NPEPL1: variants seen among roughly 807,000 people sequenced by gnomAD.
The protein encoded by NPEPL1 is aminopeptidase like 1, also known as probable aminopeptidase NPEPL1.
Under a neutral mutation model 52.4 loss-of-function variants are expected in NPEPL1, and 45 were observed. The observed-to-expected ratio is 0.86, with a 90% CI of 0.68 to 1.10. NPEPL1 has a LOEUF of 1.10. Ranked by LOEUF, NPEPL1 falls within the 50% of genes least tolerant of loss-of-function variation. The pLI is 0.00. For missense variants in NPEPL1, 696 were observed against 710.9 expected, an observed-to-expected ratio of 0.98 and a Z score of 0.24; for synonymous variants, 360 against 314.7, an observed-to-expected ratio of 1.14 and a Z score of -1.52.
intron 1 of NPEPL1, 114 bp downstream of exon 1, chr20:58,693,164 C>G (rs1489957949): frequency 1.3e-6 from 1 of 746,814 alleles, no homozygotes; most frequent in African/African-American, 1.9e-5. Context: ...CCGGGCCCAA[C>G]GAGGCCGGGC....
upstream of NPEPL1, chr20:58,691,693 C>CTTTTTTTTTTTTTTTTTTCTTTTT: frequency 1.8e-6 from 1 of 561,308 alleles, no homozygotes; most frequent in South Asian, 2.2e-5. Context: ...TTTTTCTTTT[C>CTTTTTTTTTTTTTTTTTTCTTTTT]TTTTTTTTTT....
At chr20:58,694,689 G>A in intron 3 of NPEPL1, 97 bp downstream of exon 3, 1 of 1,308,202 alleles carries the variant, frequency 7.6e-7, no homozygotes, top group Non-Finnish European at 1.0e-6. Flanking sequence ...TGCGGGGGCA[G>A]GAGGGGGTTC....
At position 58,702,871 on chromosome 20, in the gene NPEPL1, A is replaced by G. The variant is rs181649477; in HGVS notation, c.822+1713A>G. Among the ~76,000 whole-genome samples, 79 of 152,346 alleles carry G rather than the reference A, an allele frequency of 5.2e-4. 1 individual carries two copies. The highest frequency in any genetic ancestry group is 1.6e-3 in the African/African-American group (66 of 41,564). On this transcript the variant is annotated intron_variant, in intron 6 of 11. Transcript: ENST00000356091. ...CATTTCACAGTAAATTCCAGCAATCACAACACCCACTGTGTGTTCAGTTCT... is the reference window on the plus strand; with the variant it reads ...CATTTCACAGTAAATTCCAGCAATCGCAACACCCACTGTGTGTTCAGTTCT...
chr20:58,701,879 C>A (rs2084631917), intron 6 of NPEPL1, among the ~76,000 whole-genome samples: 1 of 152,174 alleles, frequency 6.6e-6, no homozygotes, highest in African/African-American at 2.4e-5. Flanking sequence ...TTCTGTCCTG[C>A]CATCCCAGGA....
rs1363829965 is a variant in NPEPL1, at chr20:58,713,597, A to T, written c.1125+54A>T. ...CTGTAGTCCCAGGGAACCCCACCCC[A>T]CTCTTGACCTCAAGGTGGGGAAGGC... is the stretch of plus-strand genomic sequence containing the variant. On this transcript the variant is annotated intron_variant, in intron 9 of 11. Transcript: ENST00000356091. The surrounding 1 kb of genome is among the most constrained non-coding windows in gnomAD (Gnocchi z 4.6). The T allele has an allele frequency of 2.9e-5, 43 of 1,508,160 alleles. No individual in the cohort carries two copies. Among genetic ancestry groups the T allele is most frequent in the Non-Finnish European group, 3.6e-5 (40 of 1,123,372 alleles). The allele number at this position is 1,508,160 out of a possible 1,614,324, so 93.4% of individuals were successfully genotyped here. A position where few individuals can be genotyped will look rare whatever the true frequency, so the allele number is the denominator to read the frequency against.
chr20:58,701,233 G>A (rs1271695397), intron 6 of NPEPL1, 75 bp downstream of exon 6: 13 of 672,944 alleles, frequency 1.9e-5, no homozygotes, highest in African/African-American at 4.5e-5. Context: ...CGGCTCTCCC[G>A]GGTGCCCTGG....
intron 2 of NPEPL1, among the ~76,000 whole-genome samples, 158 bp downstream of exon 2, chr20:58,694,080 G>T (rs2084410030): frequency 6.6e-6 from 1 of 152,240 alleles, no homozygotes; most frequent in African/African-American, 2.4e-5. Context: ...GGTCCAGAGA[G>T]ACGCGGGGAT....
chr20:58,714,266 G>A lies in NPEPL1; in HGVS notation c.1302+173G>A, dbSNP rs1457501705. ...GGGCACAGGAGTCATCCCAGACAGC[G>A]TGGGCCACTCACTGGCTTCCCTGCC... On this transcript the variant is annotated intron_variant, in intron 10 of 11. Coordinates refer to ENST00000356091, the MANE Select transcript of NPEPL1 (RefSeq NM_024663.4). The A allele has an allele frequency of 1.5e-5, 10 of 688,306 alleles. 1 individual carries two copies. The highest frequency in any genetic ancestry group is 6.2e-5 in the South Asian group (3 of 48,232). 42.6% of individuals were successfully genotyped at this position (688,306 alleles called of 1,614,324 possible). A position where few individuals can be genotyped will look rare whatever the true frequency, so the allele number is the denominator to read the frequency against.
chr20:58,704,391 T>C lies in NPEPL1; in HGVS notation c.823-2732T>C, dbSNP rs901582367. 6.1e-6 allele frequency: 6 copies of C among 985,036 alleles called. No homozygotes were observed. In the African/African-American group the frequency reaches 8.7e-5, roughly 14 times the overall value. 61.0% of individuals were successfully genotyped at this position (985,036 alleles called of 1,614,324 possible). On this transcript the variant is annotated intron_variant, in intron 6 of 11. Coordinates refer to ENST00000356091, the MANE Select transcript of NPEPL1 (RefSeq NM_024663.4). Reference sequence around the variant, plus strand: ...ATTACTGGAGACCCCTTTACGCTCTTAACAAGTACCGACCCCAAAGAGGCT... The same window carrying C: ...ATTACTGGAGACCCCTTTACGCTCTCAACAAGTACCGACCCCAAAGAGGCT...
In NPEPL1 at chr20:58,713,008, G is replaced by A. The variant is rs1354752137; in HGVS notation, c.1002-412G>A. The A allele has an allele frequency of 5.4e-6, 2 of 369,898 alleles. No homozygotes were observed. The highest frequency in any genetic ancestry group is 1.0e-5 in the Non-Finnish European group (2 of 191,192). 22.9% of individuals were successfully genotyped at this position (369,898 alleles called of 1,614,324 possible). A position where few individuals can be genotyped will look rare whatever the true frequency, so the allele number is the denominator to read the frequency against. ...GCAAGTGGCTCCAGAATTCAAAAGA[G>A]AAGAGCCCTCTCCCCAGCCCCATGA... On this transcript the variant is annotated intron_variant, in intron 8 of 11. Transcript: ENST00000356091. The surrounding 1 kb of genome is among the most constrained non-coding windows in gnomAD (Gnocchi z 4.6).
At chr20:58,691,046 G>T (rs372654711), upstream of NPEPL1, 6 of 700,480 alleles carry the variant, frequency 8.6e-6, no homozygotes, top group African/African-American at 1.1e-4. Context: ...CTTCTCCCAC[G>T]TGGAAGGCCT....
chr20:58,713,350 G>T lies in NPEPL1; in HGVS notation c.1002-70G>T. The stretch of plus-strand genomic sequence containing the variant: ...GGCAGCTCCAAATGGGGTCTCCCCA[G>T]TTTCAAAGGGGCTCATGCCAGTGTC... On this transcript the variant is annotated intron_variant, in intron 8 of 11. Coordinates refer to ENST00000356091, the MANE Select transcript of NPEPL1 (RefSeq NM_024663.4). The surrounding 1 kb of genome is among the most constrained non-coding windows in gnomAD (Gnocchi z 4.6). 4 of 1,497,288 alleles carry T rather than the reference G, an allele frequency of 2.7e-6. No individual in the cohort carries two copies. Among genetic ancestry groups the T allele is most frequent in the Non-Finnish European group, 3.6e-6 (4 of 1,114,796 alleles). 92.8% of individuals were successfully genotyped at this position (1,497,288 alleles called of 1,614,324 possible). A position where few individuals can be genotyped will look rare whatever the true frequency, so the allele number is the denominator to read the frequency against.
intron 6 of NPEPL1, 25 bp downstream of exon 6, chr20:58,701,183 G>T: frequency 6.7e-7 from 1 of 1,496,070 alleles, no homozygotes; most frequent in Non-Finnish European, 9.0e-7. Flanking sequence ...GGCTCTCAGG[G>T]TGCCCTGGGG....
At chr20:58,697,646 A>G (rs1243047463) in intron 3 of NPEPL1, among the ~76,000 whole-genome samples, 2 of 152,172 alleles carry the variant, frequency 1.3e-5, no homozygotes, top group Admixed American at 6.5e-5. Context: ...TCTTCTCTTA[A>G]TATTGTCTTT....
At chr20:58,707,323 G>T (rs1049012076) in intron 7 of NPEPL1, 123 bp downstream of exon 7, 3 of 921,004 alleles carry the variant, frequency 3.3e-6, no homozygotes, top group Non-Finnish European at 4.8e-6. Flanking sequence ...CCCAGCGGAT[G>T]CTTGTCCCCC....
In NPEPL1 at chr20:58,712,520, G is replaced by A. The variant is rs766694701; in HGVS notation, c.942G>A (p.Glu314=). ...DNLHAVFCLA[E]NSVGPNATRP... ...TCCACGCTGTGTTCTGCTTGGCTGA[G>A]AACTCGGTGGGGCCCAATGCGACAA... is the stretch of plus-strand genomic sequence containing the variant. Residue 314 remains glutamate, a synonymous_variant, in exon 8 of 12, where the codon GAG becomes GAA. Coordinates refer to ENST00000356091, the MANE Select transcript of NPEPL1 (RefSeq NM_024663.4). The A allele has an allele frequency of 3.1e-6, 5 of 1,613,546 alleles. No homozygotes were observed. The highest frequency in any genetic ancestry group is 3.4e-6 in the Non-Finnish European group (4 of 1,179,812).
Position 58,713,105 on chromosome 20 carries a change from G to A in NPEPL1, c.1002-315G>A. On this transcript the variant is annotated intron_variant, in intron 8 of 11. Coordinates refer to ENST00000356091, the MANE Select transcript of NPEPL1 (RefSeq NM_024663.4). This position sits in a 1 kb window ranked among gnomAD's most constrained non-coding sequence, Gnocchi z 4.6. ...CCATCTGCCGGGTGCCAGGCACAGT[G>A]TGCTGAAGGCCAGCCCAGCCGGTTC... is the stretch of plus-strand genomic sequence containing the variant. The A allele has an allele frequency of 2.6e-6, 1 of 384,908 alleles. No homozygotes were observed. The highest frequency in any genetic ancestry group is 2.8e-5 in the South Asian group (1 of 35,202). The allele number at this position is 384,908 out of a possible 1,614,324, so 23.8% of individuals were successfully genotyped here.
At chr20:58,701,908 C>T (rs929325101) in intron 6 of NPEPL1, among the ~76,000 whole-genome samples, 1 of 152,188 alleles carries the variant, frequency 6.6e-6, no homozygotes, top group East Asian at 1.9e-4. Context: ...GCTTGTGGAG[C>T]CCCCGTCGTG....
intron 7 of NPEPL1, among the ~76,000 whole-genome samples, chr20:58,708,327 C>T (rs2123134599): frequency 6.6e-6 from 1 of 152,354 alleles, no homozygotes; most frequent in South Asian, 2.1e-4. Flanking sequence ...ACATTCCAGA[C>T]TGTGTGACGG....
Sources: gnomAD v4.1 joint callset for allele counts (sites outside exome capture counted in the v4.1 genomes callset) on GRCh38, gnomAD v4.1.1 for gene constraint, Gnocchi (gnomAD v3.1) non-coding constraint, MANE v1.5 for transcripts, NCBI Gene and HGNC (gene_info 2026-07-23, HGNC 2026-07-21) for gene names.